Variants in WLS observed in about 807,000 individuals in gnomAD.
WLS encodes Wnt ligand secretion mediator.
A neutral mutation model predicts 62.8 loss-of-function variants in WLS; 23 were observed. That is an observed-to-expected ratio of 0.37 (90% CI 0.26 to 0.52). The LOEUF (loss-of-function observed/expected upper bound fraction) is 0.52, where lower values mean the gene tolerates loss of function less well. Among genes scored for constraint, WLS ranks in the 20% least tolerant of loss-of-function variants. The pLI is 0.92. For synonymous variants in WLS, 246 were observed against 244.1 expected (o/e 1.01, Z -0.07); for missense variants, 615 against 697.3 (o/e 0.88, Z 1.33).
At chr1:68,098,926 G>C in intron 11 of WLS, 1 of 1,005,834 alleles carries the variant, frequency 9.9e-7, no homozygotes, top group Middle Eastern at 3.4e-4. Flanking sequence ...GACATTTGCA[G>C]ATTTCTCCCT....
intron 2 of WLS, among the ~76,000 whole-genome samples, chr1:68,167,509 G>A (rs58584549): frequency 1.3e-5 from 2 of 152,086 alleles, no homozygotes; most frequent in South Asian, 4.1e-4. Flanking sequence ...TGAAGGCGAG[G>A]AATCCAATTT....
intron 11 of WLS, among the ~76,000 whole-genome samples, chr1:68,111,462 C>G (rs928771236): frequency 6.6e-6 from 1 of 152,166 alleles, no homozygotes; most frequent in Non-Finnish European, 1.5e-5. Flanking sequence ...AAGGGCTGCT[C>G]GGTTCTCATT....
chr1:68,213,278 C>G (rs1217807509), intron 1 of WLS, among the ~76,000 whole-genome samples: 1 of 151,840 alleles, frequency 6.6e-6, no homozygotes, highest in Non-Finnish European at 1.5e-5. Flanking sequence ...TGGTGAAACC[C>G]CGTCTCTACT....
At chr1:68,214,214 A>C in intron 1 of WLS, among the ~76,000 whole-genome samples, 1 of 110,194 alleles carries the variant, frequency 9.1e-6, no homozygotes, top group Non-Finnish European at 2.3e-5. Flanking sequence ...CACACACCCC[A>C]TTTCCAATAC....
chr1:68,189,078 T>G (rs1362453725), intron 2 of WLS, among the ~76,000 whole-genome samples: 1 of 152,224 alleles, frequency 6.6e-6, no homozygotes, highest in Non-Finnish European at 1.5e-5. Context: ...AGTAGCATCA[T>G]GAAATCTTGT....
chr1:68,119,876 T>C (rs1216340185), intron 11 of WLS, among the ~76,000 whole-genome samples: 1 of 152,234 alleles, frequency 6.6e-6, no homozygotes, highest in Non-Finnish European at 1.5e-5. Flanking sequence ...TTCCTGTGTG[T>C]AGTTCACTTT....
chr1:68,162,638 G>GC, intron 2 of WLS: 1 of 1,248,082 alleles, frequency 8.0e-7, no homozygotes, highest in Non-Finnish European at 1.2e-6. Flanking sequence ...GCTTGGTACA[G>GC]CCATGTGTTC....
intron 2 of WLS, among the ~76,000 whole-genome samples, chr1:68,183,863 T>C (rs901389973): frequency 2.6e-5 from 4 of 152,144 alleles, no homozygotes; most frequent in Non-Finnish European, 5.9e-5. Flanking sequence ...TATACAGAAA[T>C]GCTTTCAGTG....
At chr1:68,209,466 GT>G (rs1340001318) in intron 1 of WLS, among the ~76,000 whole-genome samples, 1 of 152,182 alleles carries the variant, frequency 6.6e-6, no homozygotes, top group African/African-American at 2.4e-5. Flanking sequence ...ACTTAACAGG[GT>G]GATTTTCATT....
At position 68,153,280 on chromosome 1, in the gene WLS, A is replaced by T. The variant is rs561032987; in HGVS notation, c.803+237T>A. On this transcript the variant is annotated intron_variant, in intron 5 of 11. Coordinates refer to ENST00000262348, the MANE Select transcript of WLS (RefSeq NM_024911.7). ...CAGAGTGAGACCTTGTCTCCAAAAA[A>T]TAAATTAATTAATTAAAAAGAGCCA... 6.2e-4 allele frequency among the ~76,000 whole-genome samples: 94 copies of T among 152,280 alleles called. 1 individual carries two copies. Among genetic ancestry groups the T allele is most frequent in the African/African-American group, 2.1e-3 (86 of 41,556 alleles).
At chr1:68,150,461 G>T (rs1646811252) in intron 5 of WLS, 105 bp from the exon 6 acceptor site, 2 of 1,447,290 alleles carry the variant, frequency 1.4e-6, no homozygotes, top group Non-Finnish European at 1.9e-6. Flanking sequence ...TACTTATTGG[G>T]TCTGAAGCCA....
chr1:68,153,597 A>G lies in WLS; in HGVS notation c.723T>C (p.Leu241=). 1.2e-6 allele frequency: 2 copies of G among 1,614,206 alleles called. No homozygotes were observed. The highest frequency in any genetic ancestry group is 1.7e-6 in the Non-Finnish European group (2 of 1,180,028). The change falls in exon 5 of 12, where the codon CTT becomes CTC. Residue 241 remains leucine, a synonymous_variant. Transcript: ENST00000262348. ...TKVWFAMKTF[L]TPSIFIIMVW... The stretch of plus-strand genomic sequence containing the variant: ...CCATAATGATGAAGATGCTGGGCGT[A>G]AGGAAGGTCTTCATGGCAAACCACA...
chr1:68,217,355 G>A (rs186291838), intron 1 of WLS, among the ~76,000 whole-genome samples: 2 of 152,236 alleles, frequency 1.3e-5, no homozygotes, highest in Non-Finnish European at 1.5e-5. Context: ...CCAGAGGATC[G>A]CTACCCAATG....
intron 2 of WLS, among the ~76,000 whole-genome samples, chr1:68,188,556 G>A (rs923981321): frequency 6.6e-6 from 1 of 152,224 alleles, no homozygotes; most frequent in Non-Finnish European, 1.5e-5. Flanking sequence ...AGGAAAGACA[G>A]ATTATATCCA....
At chr1:68,202,048 G>C (rs1376408195) in intron 1 of WLS, 1 of 152,158 alleles carries the variant, frequency 6.6e-6, no homozygotes, top group Non-Finnish European at 1.5e-5. Flanking sequence ...AAGAATAGAA[G>C]AATTACTCTA....
chr1:68,119,240 A>G (rs1444162224), intron 11 of WLS, among the ~76,000 whole-genome samples: 1 of 152,176 alleles, frequency 6.6e-6, no homozygotes, highest in African/African-American at 2.4e-5. Context: ...TTTTCTATGT[A>G]TAATACAATC....
At chr1:68,149,390 C>T (rs1415970296) in intron 6 of WLS, among the ~76,000 whole-genome samples, 1 of 152,148 alleles carries the variant, frequency 6.6e-6, no homozygotes. Context: ...TGGAGAAAGA[C>T]CCCTTAATGT....
At position 68,232,312 on chromosome 1, in the gene WLS, C is replaced by A; in HGVS notation, c.-13G>T. ...TTGCCCCAGCCATTTTTGCGCCCCC[C>A]CTTTTTCTTTTCTCCTTGAAATAAA... is the stretch of plus-strand genomic sequence containing the variant. On this transcript the variant is annotated 5_prime_UTR_variant, in exon 1 of 12. Coordinates refer to ENST00000262348, the MANE Select transcript of WLS (RefSeq NM_024911.7). 1 of 1,613,224 alleles carries A rather than the reference C, an allele frequency of 6.2e-7. No individual in the cohort carries two copies. Among genetic ancestry groups the A allele is most frequent in the South Asian group, 1.1e-5 (1 of 90,904 alleles).
chr1:68,232,064 A>G, intron 1 of WLS, 130 bp downstream of exon 1: 1 of 1,273,228 alleles, frequency 7.9e-7, no homozygotes, highest in Non-Finnish European at 1.1e-6. Context: ...TGCTTTCTTA[A>G]GCACAATAGC....
Sources: gnomAD v4.1 joint callset for allele counts (sites outside exome capture counted in the v4.1 genomes callset) on GRCh38, gnomAD v4.1.1 for gene constraint, MANE v1.5 for transcripts, NCBI Gene and HGNC (gene_info 2026-07-23, HGNC 2026-07-21) for gene names.